Variants in VPS37C observed in about 807,000 individuals in gnomAD.
The protein encoded by VPS37C is vacuolar protein sorting-associated protein 37C.
Under a neutral mutation model 16.1 loss-of-function variants are expected in VPS37C, and 9 were observed. That is an observed-to-expected ratio of 0.56 (90% CI 0.34 to 0.97). VPS37C has a LOEUF of 0.97. Ranked by LOEUF, VPS37C falls within the 50% of genes least tolerant of loss-of-function variation. VPS37C has a pLI of 0.02. For missense variants in VPS37C, 479 were observed against 472.7 expected, an observed-to-expected ratio of 1.01 and a Z score of -0.12; for synonymous variants, 207 against 206.4, an observed-to-expected ratio of 1.00 and a Z score of -0.02.
intron 1 of VPS37C, chr11:61,145,313 A>G (rs1181198065): frequency 6.6e-6 from 1 of 152,144 alleles, no homozygotes; most frequent in Non-Finnish European, 1.5e-5. Flanking sequence ...TGCAGTGAGG[A>G]TAAGGTGTTT....
chr11:61,138,449 T>C (rs995898239), intron 2 of VPS37C: 2 of 394,428 alleles, frequency 5.1e-6, no homozygotes, highest in African/African-American at 2.0e-5. Flanking sequence ...ATACCAGTGC[T>C]TTGAGGAGCT....
chr11:61,155,371 C>T (rs149719941), intron 1 of VPS37C, among the ~76,000 whole-genome samples: 1 of 151,506 alleles, frequency 6.6e-6, no homozygotes, highest in Non-Finnish European at 1.5e-5. Context: ...TGGTGATACA[C>T]ACCTGTAGTC....
rs1861430080 is a variant in VPS37C at position 61,139,105 on chromosome 11, A to G, written c.-6-270T>C. On this transcript the variant is annotated intron_variant, in intron 1 of 4. Transcript: ENST00000301765. ...ACTTGCAGCCAGAAGCAAAACCACA[A>G]TCCTCGGGTGCTAGATGGAGCTCCC... Among the ~76,000 whole-genome samples the G allele has an allele frequency of 2.6e-5, 4 of 152,322 alleles. No individual in the cohort carries two copies. The South Asian group carries it at 8.3e-4, about 32-fold the overall frequency.
At chr11:61,140,566 T>C (rs1161917952) in intron 1 of VPS37C, among the ~76,000 whole-genome samples, 3 of 152,170 alleles carry the variant, frequency 2.0e-5, no homozygotes, top group Non-Finnish European at 4.4e-5. Flanking sequence ...TCACTGACCA[T>C]ACAGGTGGCC....
At position 61,138,980 on chromosome 11, in the gene VPS37C, T is replaced by C. The variant is rs532453624; in HGVS notation, c.-6-145A>G. 1.8e-5 allele frequency: 13 copies of C among 714,788 alleles called. No individual in the cohort carries two copies. The East Asian group carries it at 3.5e-4, about 19-fold the overall frequency. The allele number at this position is 714,788 out of a possible 1,614,324, so 44.3% of individuals were successfully genotyped here. A position where few individuals can be genotyped will look rare whatever the true frequency, so the allele number is the denominator to read the frequency against. On this transcript the variant is annotated intron_variant, in intron 1 of 4. Transcript: ENST00000301765. ...CGGGAGGCTCGAGGAGAGGCAGAAA[T>C]CTCTGAGAGCACATTCCTGCGGCTC...
chr11:61,133,558 A>G (rs1178720948), intron 3 of VPS37C, among the ~76,000 whole-genome samples: 1 of 152,088 alleles, frequency 6.6e-6, no homozygotes, highest in Non-Finnish European at 1.5e-5. Flanking sequence ...AGCCTACCCT[A>G]CGCCATCCTG....
At chr11:61,138,264 T>C (rs1861415544) in intron 2 of VPS37C, 1 of 159,174 alleles carries the variant, frequency 6.3e-6, no homozygotes, top group Non-Finnish European at 1.4e-5. Context: ...ATTCTGTTTC[T>C]TTCCTCAAGG....
chr11:61,156,846 A>G (rs557823222), intron 1 of VPS37C, among the ~76,000 whole-genome samples: 1 of 152,328 alleles, frequency 6.6e-6, no homozygotes, highest in African/African-American at 2.4e-5. Flanking sequence ...GAAGATTTTC[A>G]TCACCCTAAA....
rs1200320794 is a variant in VPS37C at position 61,134,180 on chromosome 11, T to C, written c.121A>G (p.Met41Val). 1.2e-6 allele frequency: 2 copies of C among 1,613,682 alleles called. No homozygotes were observed. The highest frequency in any genetic ancestry group is 1.7e-5 in the Admixed American group (1 of 60,008). ...AGGCTCCGGTTGGTGGCCAGTGCCA[T>C]CTCCCGTTCCAGCTGTAGGTCCTGG... ...EVQDLQLEREMALATNRSLAE... is the reference protein window; with the variant it reads ...EVQDLQLEREVALATNRSLAE... The change falls in exon 3 of 5, where the codon ATG becomes GTG. Residue 41 changes from methionine (M) to valine (V), a missense_variant. By Grantham distance (21) the Met-to-Val change is conservative (BLOSUM62 1). Transcript: ENST00000301765.
At chr11:61,153,672 G>A (rs1366725433) in intron 1 of VPS37C, among the ~76,000 whole-genome samples, 2 of 152,206 alleles carry the variant, frequency 1.3e-5, no homozygotes, top group South Asian at 2.1e-4. Context: ...ACCAAGGTGA[G>A]TGCTATAGCT....
At chr11:61,158,412 A>G (rs1853412090) in intron 1 of VPS37C, among the ~76,000 whole-genome samples, 1 of 152,262 alleles carries the variant, frequency 6.6e-6, no homozygotes, top group Non-Finnish European at 1.5e-5. Flanking sequence ...ACCCGGCAAT[A>G]GCAGAAGATG....
At chr11:61,144,433 C>G (rs1402800735) in intron 1 of VPS37C, 1 of 152,250 alleles carries the variant, frequency 6.6e-6, no homozygotes, top group Non-Finnish European at 1.5e-5. Flanking sequence ...GGAGGAAGGG[C>G]CTTGTCACCC....
chr11:61,137,486 C>G (rs1457974716), intron 2 of VPS37C, among the ~76,000 whole-genome samples: 1 of 152,234 alleles, frequency 6.6e-6, no homozygotes, highest in Non-Finnish European at 1.5e-5. Context: ...TGTCAGCCTG[C>G]TCAGCTCTGC....
chr11:61,159,528 C>A (rs755432562), intron 1 of VPS37C, among the ~76,000 whole-genome samples: 4 of 152,102 alleles, frequency 2.6e-5, no homozygotes, highest in Admixed American at 6.5e-5. Context: ...GACGCAGTGG[C>A]TCACACCTGT....
At chr11:61,133,409 C>A in intron 3 of VPS37C, 72 bp from the exon 4 acceptor site, 1 of 1,477,302 alleles carries the variant, frequency 6.8e-7, no homozygotes, top group South Asian at 1.2e-5. Flanking sequence ...ACTTTGCATA[C>A]CCTCTGTGTG....
intron 1 of VPS37C, among the ~76,000 whole-genome samples, chr11:61,146,329 T>C (rs1181948600): frequency 6.6e-6 from 1 of 152,250 alleles, no homozygotes; most frequent in East Asian, 1.9e-4. Context: ...GAGCCAGACA[T>C]GGCATTCACA....
intron 1 of VPS37C, among the ~76,000 whole-genome samples, chr11:61,149,020 G>A (rs748910894): frequency 6.6e-6 from 1 of 152,220 alleles, no homozygotes; most frequent in Non-Finnish European, 1.5e-5. Context: ...GGTGGCTCAC[G>A]CCTGTAATCC....
At chr11:61,158,442 C>T (rs1853412693) in intron 1 of VPS37C, among the ~76,000 whole-genome samples, 1 of 152,190 alleles carries the variant, frequency 6.6e-6, no homozygotes, top group Non-Finnish European at 1.5e-5. Flanking sequence ...CAAGTGCTCA[C>T]AGAACATTTA....
intron 4 of VPS37C, 125 bp downstream of exon 4, chr11:61,133,129 AC>A: frequency 9.7e-7 from 1 of 1,030,038 alleles, no homozygotes; most frequent in Non-Finnish European, 1.5e-6. Context: ...GATGTCCTTC[AC>A]CTCTGCCATC....
Sources: allele counts gnomAD v4.1 joint callset (sites outside exome capture counted in the v4.1 genomes callset), GRCh38; gene constraint gnomAD v4.1.1; transcripts MANE v1.5; gene names NCBI Gene and HGNC (gene_info 2026-07-23, HGNC 2026-07-21).